The following ABCF1 variants were observed in gnomAD, a reference collection of about 807,000 sequenced individuals.
ABCF1 encodes ATP-binding cassette sub-family F member 1.
A neutral mutation model predicts 126.3 loss-of-function variants in ABCF1; 73 were observed. That is an observed-to-expected ratio of 0.58 (90% CI 0.48 to 0.70). The LOEUF (loss-of-function observed/expected upper bound fraction) is 0.70. ABCF1 is among the 30% of genes least tolerant of loss of function. The probability of loss-of-function intolerance (pLI) is 0.00; values close to 1 mark genes in which losing one functional copy is unlikely to be tolerated. For missense variants in ABCF1, 786 were observed against 1,057.5 expected, an observed-to-expected ratio of 0.74 and a Z score of 3.56; for synonymous variants, 345 against 396.4, an observed-to-expected ratio of 0.87 and a Z score of 1.54.
At position 30,584,204 on chromosome 6, in the gene ABCF1, A is replaced by G. The variant is rs761416678; in HGVS notation, c.1115A>G (p.Asp372Gly). Residue 372 changes from aspartate to glycine, a missense_variant, in exon 13 of 25, where the codon GAT (aspartate) becomes GGT (glycine). Coordinates refer to ENST00000326195, the MANE Select transcript of ABCF1 (RefSeq NM_001025091.2). The surrounding 1 kb of genome is among the most constrained non-coding windows in gnomAD (Gnocchi z 4.6). ...CTCTGCCTCCCAGAGGTGGTAGCAG[A>G]TGAGACACCAGCAGTCCAGGCTGTT... ...VLLCEQEVVA[D>G]ETPAVQAVLR... 6.2e-7 allele frequency: 1 copy of G among 1,612,292 alleles called. No individual in the cohort carries two copies. The highest frequency in any genetic ancestry group is 8.5e-7 in the Non-Finnish European group (1 of 1,179,784).
At position 30,584,090 on chromosome 6, in the gene ABCF1, G is replaced by C; in HGVS notation, c.1103-102G>C. 1 of 1,504,846 alleles carries C rather than the reference G, an allele frequency of 6.6e-7. No individual in the cohort carries two copies. The highest frequency in any genetic ancestry group is 8.9e-7 in the Non-Finnish European group (1 of 1,117,570). 93.2% of individuals were successfully genotyped at this position (1,504,846 alleles called of 1,614,324 possible). On this transcript the variant is annotated intron_variant, in intron 12 of 24. Coordinates refer to ENST00000326195, the MANE Select transcript of ABCF1 (RefSeq NM_001025091.2). The surrounding 1 kb of genome is among the most constrained non-coding windows in gnomAD (Gnocchi z 4.6). Reference sequence around the variant, plus strand: ...GTGTTTTATTTGGAACAAGTACAAAGAGCTGGGCAGGGTCAGGCAAAACAG... The same window carrying C: ...GTGTTTTATTTGGAACAAGTACAAACAGCTGGGCAGGGTCAGGCAAAACAG...
In ABCF1 at chr6:30,584,399, C is replaced by T. The variant is rs886672892; in HGVS notation, c.1243-19C>T. On this transcript the variant is annotated intron_variant, in intron 13 of 24. Transcript: ENST00000326195. The surrounding 1 kb of genome is among the most constrained non-coding windows in gnomAD (Gnocchi z 4.6). ...TTCCTGGGACCCTCAGACGTGTGTC[C>T]TCTTCTCCCTCCTCCCAGGTGTATG... 7 of 1,612,960 alleles carry T rather than the reference C, an allele frequency of 4.3e-6. No homozygotes were observed. The highest frequency in any genetic ancestry group is 1.7e-5 in the Admixed American group (1 of 59,994).
At chr6:30,577,530 G>A in intron 2 of ABCF1, 75 bp downstream of exon 2, 2 of 1,548,308 alleles carry the variant, frequency 1.3e-6, no homozygotes, top group African/African-American at 1.4e-5. Context: ...TGTGAAGGAG[G>A]TGGGAGGTCC....
In ABCF1 at chr6:30,574,672, C is replaced by A. The variant is rs1378719272; in HGVS notation, c.74-2737C>A. Among the ~76,000 whole-genome samples the A allele has an allele frequency of 1.3e-5, 2 of 152,172 alleles. No homozygotes were observed. Among genetic ancestry groups the A allele is most frequent in the Non-Finnish European group, 2.9e-5 (2 of 68,028 alleles). ...AATTTTTCAACTCTCACACTAGTCA[C>A]CCAATACTGGGCTCAGATTTTTTTT... On this transcript the variant is annotated intron_variant, in intron 1 of 24. Coordinates refer to ENST00000326195, the MANE Select transcript of ABCF1 (RefSeq NM_001025091.2). The surrounding 1 kb of genome is among the most constrained non-coding windows in gnomAD (Gnocchi z 4.3).
chr6:30,589,638 A>G (rs766601861), intron 20 of ABCF1, 50 bp from the exon 21 acceptor site: 2 of 1,591,646 alleles, frequency 1.3e-6, no homozygotes, highest in Non-Finnish European at 1.7e-6. Flanking sequence ...ATGGAGCTGC[A>G]GCACCTTTTT....
At chr6:30,578,426 A>T in intron 5 of ABCF1, 41 bp downstream of exon 5, 1 of 1,614,018 alleles carries the variant, frequency 6.2e-7, no homozygotes, top group Non-Finnish European at 8.5e-7. Flanking sequence ...CAAGGATGCA[A>T]CCTTGACCAT....
At chr6:30,585,239 C>T (rs767438678) in intron 14 of ABCF1, 21 bp from the exon 15 acceptor site, 3 of 1,608,234 alleles carry the variant, frequency 1.9e-6, no homozygotes, top group African/African-American at 2.7e-5. Flanking sequence ...CTGACCCTGC[C>T]CTCTGCTACC....
chr6:30,579,895 A>G (rs538284502), intron 6 of ABCF1, 36 bp from the exon 7 acceptor site: 4 of 1,595,384 alleles, frequency 2.5e-6, no homozygotes, highest in Non-Finnish European at 3.4e-6. Flanking sequence ...AATAATTTGT[A>G]TGTATGTGTG....
chr6:30,584,470 G>A lies in ABCF1; in HGVS notation c.1295G>A (p.Arg432Gln). The change falls in exon 14 of 25, where the codon CGG (arginine) becomes CAG (glutamine). Residue 432 changes from arginine (R) to glutamine (Q), a missense_variant. By Grantham distance (43) the Arg-to-Gln change is conservative. Around this residue, in one of 4 missense-constraint regions of ABCF1, gnomAD observed 163 missense variants for 255.3 expected, o/e 0.64. Transcript: ENST00000326195. This position sits in a 1 kb window ranked among gnomAD's most constrained non-coding sequence, Gnocchi z 4.6. ...TGAAAAEAKA[R>Q]RILAGLGFDP... ...GCGGCAGCTGCAGAGGCCAAAGCAC[G>A]GCGGATCCTGGCTGGCCTGGGCTTT... The A allele has an allele frequency of 6.2e-7, 1 of 1,613,084 alleles. No homozygotes were observed. Among genetic ancestry groups the A allele is most frequent in the South Asian group, 1.1e-5 (1 of 91,074 alleles).
chr6:30,591,056 A>T lies in ABCF1; in HGVS notation c.*355A>T, dbSNP rs1015437291. 11 of 237,748 alleles carry T rather than the reference A, an allele frequency of 4.6e-5. 1 individual carries two copies. Among genetic ancestry groups the T allele is most frequent in the Non-Finnish European group, 7.2e-5 (9 of 124,438 alleles). 14.7% of individuals were successfully genotyped at this position (237,748 alleles called of 1,614,324 possible). On this transcript the variant is annotated 3_prime_UTR_variant, in exon 25 of 25. Coordinates refer to ENST00000326195, the MANE Select transcript of ABCF1 (RefSeq NM_001025091.2). ...GAAGCCTGCCTCTGATTTACCCTACAGCTTCAGGCCCAGCTGCCCCCCAGT... is the reference window on the plus strand; with the variant it reads ...GAAGCCTGCCTCTGATTTACCCTACTGCTTCAGGCCCAGCTGCCCCCCAGT...
chr6:30,586,807 A>G lies in ABCF1; in HGVS notation c.2031+96A>G. On this transcript the variant is annotated intron_variant, in intron 20 of 24. Coordinates refer to ENST00000326195, the MANE Select transcript of ABCF1 (RefSeq NM_001025091.2). The surrounding 1 kb of genome is among the most constrained non-coding windows in gnomAD (Gnocchi z 4.9). ...ATCAGGGAGCCTCTCGAGAATGTAG[A>G]GTTAAATACAGAACTCATGATAGAT... The G allele has an allele frequency of 7.7e-7, 1 of 1,299,292 alleles. No homozygotes were observed. The highest frequency in any genetic ancestry group is 1.1e-6 in the Non-Finnish European group (1 of 918,722). 80.5% of individuals were successfully genotyped at this position (1,299,292 alleles called of 1,614,324 possible). A position where few individuals can be genotyped will look rare whatever the true frequency, so the allele number is the denominator to read the frequency against.
chr6:30,572,071 A>T (rs1489223517), intron 1 of ABCF1, among the ~76,000 whole-genome samples: 4 of 152,116 alleles, frequency 2.6e-5, no homozygotes, highest in Non-Finnish European at 5.9e-5. Flanking sequence ...AATGAGGGTT[A>T]AGGTTTACTT....
intron 3 of ABCF1, 40 bp downstream of exon 3, chr6:30,577,953 T>C (rs1278121882): frequency 4.3e-6 from 7 of 1,613,344 alleles, no homozygotes; most frequent in Non-Finnish European, 5.1e-6. Flanking sequence ...GGGAGGCATC[T>C]GGGTTCCACC....
In ABCF1 at chr6:30,583,893, G is replaced by A. The variant is rs767298978; in HGVS notation, c.1102+3G>A. On this transcript the variant is annotated splice_donor_region_variant and intron_variant, in intron 12 of 24. Transcript: ENST00000326195. The surrounding 1 kb of genome is among the most constrained non-coding windows in gnomAD (Gnocchi z 4.1). Reference sequence around the variant, plus strand: ...TGATGTGTTGCTGTGTGAGCAGGGTGAGACCACTGGGGAGAAAAGGGGCTT... The same window carrying A: ...TGATGTGTTGCTGTGTGAGCAGGGTAAGACCACTGGGGAGAAAAGGGGCTT... 10 of 1,613,676 alleles carry A rather than the reference G, an allele frequency of 6.2e-6. 1 individual carries two copies. In the South Asian group the frequency reaches 1.1e-4, roughly 18 times the overall value.
At position 30,574,782 on chromosome 6, in the gene ABCF1, A is replaced by T. The variant is rs1293056195; in HGVS notation, c.74-2627A>T. On this transcript the variant is annotated intron_variant, in intron 1 of 24. Transcript: ENST00000326195. The surrounding 1 kb of genome is among the most constrained non-coding windows in gnomAD (Gnocchi z 4.3). ...CTTTGAAATGTGTTCTGGATGGAGG[A>T]TGCAGATTAAGCAAAGACAGACATA... Among the ~76,000 whole-genome samples, 2 of 151,882 alleles carry T rather than the reference A, an allele frequency of 1.3e-5. No homozygotes were observed. Among genetic ancestry groups the T allele is most frequent in the East Asian group, 3.8e-4 (2 of 5,198 alleles).
chr6:30,571,646 A>T lies in ABCF1; in HGVS notation c.73+86A>T, dbSNP rs551480279. The T allele has an allele frequency of 2.8e-6, 4 of 1,435,554 alleles. No homozygotes were observed. In the East Asian group the frequency reaches 9.8e-5, roughly 35 times the overall value. The allele number at this position is 1,435,554 out of a possible 1,614,324, so 88.9% of individuals were successfully genotyped here. Reference sequence around the variant, plus strand: ...TTTTAAGAGAGGGTCATGGGGCACGAGACTGACCGGGCCCCTGCGGGAGTT... The same window carrying T: ...TTTTAAGAGAGGGTCATGGGGCACGTGACTGACCGGGCCCCTGCGGGAGTT... On this transcript the variant is annotated intron_variant, in intron 1 of 24. Transcript: ENST00000326195.
intron 22 of ABCF1, 26 bp downstream of exon 22, chr6:30,590,000 T>G (rs745571168): frequency 1.1e-5 from 17 of 1,610,008 alleles, no homozygotes; most frequent in Non-Finnish European, 1.4e-5. Flanking sequence ...CCAGGGAGGG[T>G]GCCCTTCACC....
chr6:30,588,843 G>A (rs1481382966), intron 20 of ABCF1, among the ~76,000 whole-genome samples: 1 of 152,030 alleles, frequency 6.6e-6, no homozygotes, highest in Non-Finnish European at 1.5e-5. Flanking sequence ...AGGCCCTTAC[G>A]ATGTACCATT....
Position 30,586,450 on chromosome 6 carries a change from A to G in ABCF1, c.1886-24A>G. The stretch of plus-strand genomic sequence containing the variant: ...TTTGCAGGGACTGAAAAGAATATAA[A>G]TTGCTTCTTTTCGTGGCTTTCAGGT... On this transcript the variant is annotated intron_variant, in intron 18 of 24. Transcript: ENST00000326195. The surrounding 1 kb of genome is among the most constrained non-coding windows in gnomAD (Gnocchi z 4.9). 6.2e-7 allele frequency: 1 copy of G among 1,612,794 alleles called. No individual in the cohort carries two copies. The highest frequency in any genetic ancestry group is 2.2e-5 in the East Asian group (1 of 44,884).
Sources: allele counts gnomAD v4.1 joint callset (sites outside exome capture counted in the v4.1 genomes callset), GRCh38; gene constraint gnomAD v4.1.1; regional missense constraint gnomAD v4.1.1; non-coding constraint Gnocchi (gnomAD v3.1); transcripts MANE v1.5; gene names NCBI Gene and HGNC (gene_info 2026-07-23, HGNC 2026-07-21).